Variants in PTGR3 observed in about 807,000 individuals in gnomAD.
The protein encoded by PTGR3 is zinc binding alcohol dehydrogenase domain containing 2.
the PTGR3 span, chr18:75,195,728 C>G: frequency 1.3e-5 from 2 of 151,998 alleles, no homozygotes; most frequent in Admixed American, 1.3e-4. Flanking sequence ...GCCTGGGCAA[C>G]GAGGGAGACC....
chr18:75,199,756 G>A, the PTGR3 span: 1 of 152,644 alleles, frequency 6.6e-6, no homozygotes, highest in African/African-American at 2.4e-5. Flanking sequence ...AAGCGTCACA[G>A]TGGCAATAGC....
At chr18:75,208,524 T>A in the PTGR3 span, 1 of 1,058,402 alleles carries the variant, frequency 9.4e-7, no homozygotes, top group South Asian at 4.6e-5. Flanking sequence ...GAGCCTCCCC[T>A]TCTGGGTCCC....
chr18:75,200,063 A>T, the PTGR3 span: 1 of 152,360 alleles, frequency 6.6e-6, no homozygotes, highest in Non-Finnish European at 1.5e-5. Flanking sequence ...TTCCTAGAGC[A>T]TCTTTAATTG....
At chr18:75,199,087 G>A in the PTGR3 span, 12 of 152,640 alleles carry the variant, frequency 7.9e-5, no homozygotes, top group Admixed American at 7.8e-4. Context: ...ACAGCATGCA[G>A]TGCACTTTCT....
At chr18:75,208,849 C>T in the PTGR3 span, 52 of 1,500,572 alleles carry the variant, frequency 3.5e-5, no homozygotes, top group Admixed American at 1.3e-4. Flanking sequence ...GCCGGGCTCA[C>T]CGGTTCCGGA....
chr18:75,201,961 T>C, the PTGR3 span: 13 of 1,614,114 alleles, frequency 8.1e-6, no homozygotes, highest in Non-Finnish European at 3.4e-6. Flanking sequence ...ACATGGCACT[T>C]TGCCTTCTTT....
chr18:75,203,395 G>C, the PTGR3 span, among the ~76,000 whole-genome samples: 1 of 152,192 alleles, frequency 6.6e-6, no homozygotes, highest in Admixed American at 6.5e-5. Context: ...AAGCCGTTAA[G>C]CAGGTCATTT....
At chr18:75,208,707 G>T in the PTGR3 span, 1 of 933,552 alleles carries the variant, frequency 1.1e-6, no homozygotes, top group South Asian at 4.7e-5. Flanking sequence ...TCAACTTCCC[G>T]GGATCTCGCA....
At chr18:75,198,891 C>T in the PTGR3 span, 2 of 152,556 alleles carry the variant, frequency 1.3e-5, no homozygotes, top group African/African-American at 4.8e-5. Context: ...TTGAGACCAT[C>T]GTACCGTTTC....
At chr18:75,205,911 G>A in the PTGR3 span, among the ~76,000 whole-genome samples, 6 of 152,124 alleles carry the variant, frequency 3.9e-5, no homozygotes, top group Non-Finnish European at 8.8e-5. Flanking sequence ...ATCCCCCACC[G>A]TCCCTTAGCC....
the PTGR3 span, chr18:75,199,015 T>A: frequency 6.6e-6 from 1 of 152,620 alleles, no homozygotes; most frequent in Non-Finnish European, 1.5e-5. Flanking sequence ...AGTTTAAACA[T>A]ATTTTTGGCA....
At chr18:75,200,379 ATGAG>A in the PTGR3 span, 3 of 152,380 alleles carry the variant, frequency 2.0e-5, no homozygotes, top group East Asian at 5.8e-4. Flanking sequence ...GGAATGCAGA[ATGAG>A]TGGCTGCTAT....
chr18:75,204,816 G>A, the PTGR3 span, among the ~76,000 whole-genome samples: 1 of 152,132 alleles, frequency 6.6e-6, no homozygotes, highest in South Asian at 2.1e-4. Context: ...TCCCAGCGCC[G>A]GCCGCGCAGC....
the PTGR3 span, chr18:75,202,003 C>CT: frequency 6.2e-7 from 1 of 1,614,208 alleles, no homozygotes; most frequent in South Asian, 1.1e-5. Flanking sequence ...CCCGTTCCCC[C>CT]AGCTGCTGCT....
the PTGR3 span, chr18:75,198,620 TGAAG>T: frequency 6.6e-6 from 1 of 152,282 alleles, no homozygotes; most frequent in South Asian, 2.1e-4. Context: ...AAAACAGGCT[TGAAG>T]GAATAGCATT....
the PTGR3 span, chr18:75,201,408 TTC>T: frequency 1.9e-6 from 3 of 1,597,314 alleles, no homozygotes; most frequent in African/African-American, 1.3e-5. Flanking sequence ...TATGTCATTG[TTC>T]TGTTTTTACA....
chr18:75,203,925 T>C, the PTGR3 span, among the ~76,000 whole-genome samples: 1 of 152,234 alleles, frequency 6.6e-6, no homozygotes, highest in Non-Finnish European at 1.5e-5. Context: ...TCTCAGTGCC[T>C]CTGCCTTAGG....
chr18:75,206,068 C>T, the PTGR3 span, among the ~76,000 whole-genome samples: 6 of 152,166 alleles, frequency 3.9e-5, no homozygotes, highest in African/African-American at 1.4e-4. Flanking sequence ...CTCTCTCTCT[C>T]TTTTTCTTTT....
chr18:75,196,632 CAA>C, the PTGR3 span: 26,992 of 72,354 alleles, frequency 0.37, 3,210 homozygotes, highest in East Asian at 0.42. Flanking sequence ...GGTCTTGTCC[CAA>C]AAAAAAAAAA....
Sources: gnomAD v4.1 joint callset for allele counts (sites outside exome capture counted in the v4.1 genomes callset) on GRCh38, gnomAD v4.1.1 for gene constraint, MANE v1.5 for transcripts, NCBI Gene and HGNC (gene_info 2026-07-23, HGNC 2026-07-21) for gene names.